CNOT1: variants seen among roughly 807,000 people sequenced by gnomAD.
CNOT1 encodes the protein CCR4-NOT transcription complex subunit 1.
Under a neutral mutation model 273.8 loss-of-function variants are expected in CNOT1, and 15 were observed. The observed-to-expected ratio is 0.05, with a 90% confidence interval of 0.04 to 0.08. The LOEUF is 0.08. Among genes scored for constraint, CNOT1 ranks in the 10% least tolerant of loss-of-function variants. The pLI, the probability that CNOT1 is intolerant of heterozygous loss-of-function variation, is 1.00. For synonymous variants in CNOT1, 1,022 were observed against 1,005.5 expected, an observed-to-expected ratio of 1.02 and a Z score of -0.31; for missense variants, 1,644 against 2,912.2, an observed-to-expected ratio of 0.56 and a Z score of 10.02.
intron 1 of CNOT1, among the ~76,000 whole-genome samples, chr16:58,600,945 CTGT>C (rs1326078963): frequency 6.6e-6 from 1 of 152,122 alleles, no homozygotes; most frequent in African/African-American, 2.4e-5. Flanking sequence ...CATCTCTATT[CTGT>C]TGTTGTTGCT....
chr16:58,534,070 A>T, intron 40 of CNOT1, 77 bp downstream of exon 40: 1 of 1,251,954 alleles, frequency 8.0e-7, no homozygotes, highest in East Asian at 3.3e-5. Flanking sequence ...AACAATATAA[A>T]AAATAATAAT....
chr16:58,525,508 AAC>A, intron 45 of CNOT1, 149 bp from the exon 46 acceptor site: 2 of 673,414 alleles, frequency 3.0e-6, no homozygotes, highest in South Asian at 3.9e-5. Context: ...TTATTTAACA[AAC>A]ACACAGATGC....
Position 58,542,586 on chromosome 16 carries a change from TGGGGGGGTGGG to T in CNOT1, c.4435-29_4435-19del. 1 of 53,162 alleles carries T rather than the reference TGGGGGGGTGGG, an allele frequency of 1.9e-5. No individual in the cohort carries two copies. The highest frequency in any genetic ancestry group is 3.0e-5 in the Non-Finnish European group (1 of 32,866). The allele number at this position is 53,162 out of a possible 1,614,324, so 3.3% of individuals were successfully genotyped here. A position where few individuals can be genotyped will look rare whatever the true frequency, so the allele number is the denominator to read the frequency against. The stretch of plus-strand genomic sequence containing the variant: ...GAAGCAGTCTATTAATGGAGGTGGG[TGGGGGGGTGGG>T]GGGAATAGAAGGAAAAAGACTTGAA... On this transcript the variant is annotated intron_variant, in intron 31 of 48. Coordinates refer to ENST00000317147, the MANE Select transcript of CNOT1 (RefSeq NM_016284.5).
At chr16:58,584,583 C>T (rs539432739) in intron 8 of CNOT1, among the ~76,000 whole-genome samples, 2 of 152,228 alleles carry the variant, frequency 1.3e-5, no homozygotes, top group South Asian at 2.1e-4. Context: ...CCGCCCACCT[C>T]GGCCTCCCAA....
intron 1 of CNOT1, among the ~76,000 whole-genome samples, chr16:58,623,991 C>CAA (rs775226649): frequency 5.8e-5 from 8 of 137,706 alleles, no homozygotes; most frequent in African/African-American, 1.6e-4. Flanking sequence ...ACTCCGGCTC[C>CAA]AAAAAAAAAA....
At chr16:58,543,149 C>A in intron 31 of CNOT1, 1 of 1,370,342 alleles carries the variant, frequency 7.3e-7, no homozygotes, top group Non-Finnish European at 9.5e-7. Context: ...AAGCAGTAAA[C>A]AAATTATTAA....
Position 58,578,879 on chromosome 16 carries a change from T to G in CNOT1, c.1404A>C (p.Gln468His). Reference protein sequence around the residue: ...LRLAEVGQYEQVKQLFSFPIK... With the variant: ...LRLAEVGQYEHVKQLFSFPIK... ...TAGGGAAGCTGAAGAGCTGTTTGAC[T>G]TGCTCATACTGCCCAACCTCTGCAA... The change falls in exon 13 of 49, where the codon CAA becomes CAC. Residue 468 changes from glutamine (Q) to histidine (H), a missense_variant. Gln to His is a conservative substitution (Grantham distance 24). Around this residue, in one of 13 missense-constraint regions of CNOT1, gnomAD observed 706 missense variants for 1,021.2 expected, o/e 0.69. Coordinates refer to ENST00000317147, the MANE Select transcript of CNOT1 (RefSeq NM_016284.5). 3.1e-6 allele frequency: 5 copies of G among 1,614,208 alleles called. No individual in the cohort carries two copies. The highest frequency in any genetic ancestry group is 4.2e-6 in the Non-Finnish European group (5 of 1,180,042).
intron 10 of CNOT1, 87 bp downstream of exon 10, chr16:58,582,706 G>C (rs1354254351): frequency 5.0e-6 from 4 of 803,270 alleles, no homozygotes; most frequent in Non-Finnish European, 8.5e-6. Flanking sequence ...TTGAGTTAAC[G>C]AAGGTGGAAA....
At chr16:58,548,627 T>C (rs753518036) in intron 25 of CNOT1, 3 of 518,946 alleles carry the variant, frequency 5.8e-6, no homozygotes, top group Admixed American at 3.9e-5. Context: ...GGTTTAAATA[T>C]AGTGCTGGTT....
intron 1 of CNOT1, among the ~76,000 whole-genome samples, chr16:58,602,577 A>AAAC (rs1394244251): frequency 1.8e-4 from 26 of 144,636 alleles, no homozygotes; most frequent in East Asian, 4.1e-4. Flanking sequence ...AAAAAAAAAA[A>AAAC]CCCATCCATA....
In CNOT1 at chr16:58,530,832, A is replaced by T. The variant is rs139890193; in HGVS notation, c.6178-485T>A. ...AAAAAAGACTGGCATTAAAAAGATT[A>T]AAAAGGACCAAGTTATTATGGAGAT... On this transcript the variant is annotated intron_variant, in intron 42 of 48. Coordinates refer to ENST00000317147, the MANE Select transcript of CNOT1 (RefSeq NM_016284.5). Among the ~76,000 whole-genome samples, 4 of 152,234 alleles carry T rather than the reference A, an allele frequency of 2.6e-5. No individual in the cohort carries two copies. In the East Asian group the frequency reaches 5.8e-4, roughly 22 times the overall value.
chr16:58,610,638 T>G (rs1336253547), intron 1 of CNOT1, among the ~76,000 whole-genome samples: 10 of 151,830 alleles, frequency 6.6e-5, no homozygotes, highest in Non-Finnish European at 1.2e-4. Context: ...GGTCAGGAGA[T>G]CGAAACCATC....
chr16:58,597,593 G>C, intron 2 of CNOT1: 1 of 364,858 alleles, frequency 2.7e-6, no homozygotes, highest in Non-Finnish European at 5.3e-6. Flanking sequence ...CTATCTTCAG[G>C]TTTGTGTTTG....
intron 1 of CNOT1, among the ~76,000 whole-genome samples, chr16:58,619,228 G>A (rs1165610995): frequency 1.3e-5 from 2 of 151,946 alleles, no homozygotes; most frequent in Non-Finnish European, 2.9e-5. Context: ...TAGCCTTCTT[G>A]AAGCTATTTT....
In CNOT1 at chr16:58,525,886, A is replaced by G; in HGVS notation, c.6603+103T>C. 3.2e-6 allele frequency: 3 copies of G among 931,930 alleles called. No homozygotes were observed. In the South Asian group the frequency reaches 5.0e-5, roughly 15 times the overall value. The allele number at this position is 931,930 out of a possible 1,614,324, so 57.7% of individuals were successfully genotyped here. On this transcript the variant is annotated intron_variant, in intron 45 of 48. Transcript: ENST00000317147. ...AATCAACCTCACCCAATTGATGGAA[A>G]TGACAATAAAAGACTAACTCCCAAA...
intron 1 of CNOT1, among the ~76,000 whole-genome samples, chr16:58,602,055 T>C (rs1408210641): frequency 6.6e-6 from 1 of 151,918 alleles, no homozygotes; most frequent in Non-Finnish European, 1.5e-5. Flanking sequence ...TCTACTTCAG[T>C]CCTTTTATTT....
At chr16:58,595,874 T>G (rs952608908) in intron 2 of CNOT1, among the ~76,000 whole-genome samples, 2 of 152,202 alleles carry the variant, frequency 1.3e-5, no homozygotes, top group Non-Finnish European at 2.9e-5. Flanking sequence ...CTTTTGTGTT[T>G]AAGTCAGAGG....
Position 58,599,324 on chromosome 16 carries a change from G to A in CNOT1, c.14C>T (p.Ser5Leu), listed in dbSNP as rs1402820496. The change falls in exon 2 of 49, where the codon TCG (serine) becomes TTG (leucine). Residue 5 changes from serine to leucine, a missense_variant. By Grantham distance (145) the Ser-to-Leu change is moderately radical. Coordinates refer to ENST00000317147, the MANE Select transcript of CNOT1 (RefSeq NM_016284.5). MNLDSLSLALSQISY... is the reference protein window; with the variant it reads MNLDLLSLALSQISY... ...GATTTGAGACAAGGCCAGCGAGAGC[G>A]AGTCAAGATTCATTGCTGGTTGGGG... 1.9e-6 allele frequency: 3 copies of A among 1,614,064 alleles called. No individual in the cohort carries two copies. Among genetic ancestry groups the A allele is most frequent in the East Asian group, 2.2e-5 (1 of 44,878 alleles).
At chr16:58,589,837 G>A (rs1031251154) in intron 2 of CNOT1, among the ~76,000 whole-genome samples, 1 of 152,028 alleles carries the variant, frequency 6.6e-6, no homozygotes, top group African/African-American at 2.4e-5. Flanking sequence ...GTTTCTATTT[G>A]TTATTCTTTC....
Sources: allele counts gnomAD v4.1 joint callset (sites outside exome capture counted in the v4.1 genomes callset), GRCh38; gene constraint gnomAD v4.1.1; regional missense constraint gnomAD v4.1.1; transcripts MANE v1.5; gene names NCBI Gene and HGNC (gene_info 2026-07-23, HGNC 2026-07-21).